The following SLC5A8 variants were observed in gnomAD, a reference collection of about 807,000 sequenced individuals.
SLC5A8 encodes the protein solute carrier family 5 member 8.
A neutral mutation model predicts 71.9 loss-of-function variants in SLC5A8; 55 were observed. That is an observed-to-expected ratio of 0.77 (90% CI 0.62 to 0.96). SLC5A8 has a LOEUF of 0.96. SLC5A8 is among the 40% of genes least tolerant of loss of function. The probability of loss-of-function intolerance (pLI) is 0.00; values close to 1 mark genes in which losing one functional copy is unlikely to be tolerated. For synonymous variants in SLC5A8, 307 were observed against 276.1 expected (o/e 1.11, Z -1.11); for missense variants, 701 against 745.3 (o/e 0.94, Z 0.69).
rs146456194 is a variant in SLC5A8, at chr12:101,193,992, C to T, written c.538-213G>A. ...TAAGCAGAGGCAAAGATGGAGGTTC[C>T]GCCCAGCAGAGAAAACAGCATGGGC... On this transcript the variant is annotated intron_variant, in intron 4 of 14. Transcript: ENST00000536262. Among the ~76,000 whole-genome samples, 6 of 152,190 alleles carry T rather than the reference C, an allele frequency of 3.9e-5. No homozygotes were observed. The East Asian group carries it at 5.8e-4, about 15-fold the overall frequency.
chr12:101,186,080 ATTTTTTTT>A (rs35334880), intron 7 of SLC5A8, among the ~76,000 whole-genome samples: 1 of 134,824 alleles, frequency 7.4e-6, no homozygotes, highest in Non-Finnish European at 1.6e-5. Context: ...AGCCGTAGGG[ATTTTTTTT>A]TTTTTTTTTT....
At chr12:101,190,274 A>G (rs1413312089) in intron 6 of SLC5A8, among the ~76,000 whole-genome samples, 194 bp downstream of exon 6, 1 of 152,204 alleles carries the variant, frequency 6.6e-6, no homozygotes. Context: ...AATTCCTATA[A>G]ATATTTTCAA....
intron 13 of SLC5A8, among the ~76,000 whole-genome samples, chr12:101,158,846 A>G (rs576687581): frequency 6.6e-6 from 1 of 150,672 alleles, no homozygotes; most frequent in Non-Finnish European, 1.5e-5. Flanking sequence ...ATACATGTCT[A>G]TGAAGAAATG....
intron 10 of SLC5A8, among the ~76,000 whole-genome samples, chr12:101,173,058 T>C (rs2673678): frequency 0.27 from 41,519 of 152,022 alleles, 6,150 homozygotes; most frequent in East Asian, 0.55. Context: ...GGGTGCTATT[T>C]GCCAGGCCTG....
At chr12:101,189,672 T>C (rs1593377136) in intron 6 of SLC5A8, among the ~76,000 whole-genome samples, 1 of 152,186 alleles carries the variant, frequency 6.6e-6, no homozygotes, top group East Asian at 1.9e-4. Flanking sequence ...TGGACCATGC[T>C]GTCCTTCCTA....
rs148541736 is a variant in SLC5A8 at position 101,187,067 on chromosome 12, T to C, written c.963+319A>G. On this transcript the variant is annotated intron_variant, in intron 7 of 14. Transcript: ENST00000536262. ...ATGTTCTATAGTACAATGGTTTGTG[T>C]AGTTTAAAAAACAAACAAACAAACA... 1.5e-3 allele frequency among the ~76,000 whole-genome samples: 225 copies of C among 152,244 alleles called. 1 individual carries two copies. The highest frequency in any genetic ancestry group is 3.5e-3 in the Admixed American group (54 of 15,280).
chr12:101,175,187 C>T (rs907657720), intron 10 of SLC5A8, among the ~76,000 whole-genome samples: 2 of 151,800 alleles, frequency 1.3e-5, no homozygotes, highest in African/African-American at 4.8e-5. Context: ...AATGAATGGG[C>T]ACAATAGCAG....
intron 9 of SLC5A8, among the ~76,000 whole-genome samples, chr12:101,180,601 C>T (rs1183020595): frequency 1.3e-5 from 2 of 152,066 alleles, no homozygotes; most frequent in Non-Finnish European, 2.9e-5. Flanking sequence ...ACTTTTAGCC[C>T]CCTCATAATC....
chr12:101,203,876 T>A (rs1486287980), intron 2 of SLC5A8, among the ~76,000 whole-genome samples: 1 of 152,358 alleles, frequency 6.6e-6, no homozygotes, highest in Middle Eastern at 3.4e-3. Context: ...TCCCTTTGTG[T>A]CAATCAGTAG....
At chr12:101,203,016 T>C (rs1024828468) in intron 2 of SLC5A8, among the ~76,000 whole-genome samples, 2 of 152,176 alleles carry the variant, frequency 1.3e-5, no homozygotes, top group Non-Finnish European at 2.9e-5. Flanking sequence ...CTCCCCTCTT[T>C]TTGCAAAAAT....
Position 101,202,151 on chromosome 12 carries a change from C to T in SLC5A8, c.469+13G>A. On this transcript the variant is annotated intron_variant, in intron 3 of 14. Coordinates refer to ENST00000536262, the MANE Select transcript of SLC5A8 (RefSeq NM_145913.5). Reference sequence around the variant, plus strand: ...AAAATGTGAGTTACCTAACTGGCAACTCTAAAATGTACCTTGATTCAAAGC... The same window carrying T: ...AAAATGTGAGTTACCTAACTGGCAATTCTAAAATGTACCTTGATTCAAAGC... The T allele has an allele frequency of 6.2e-7, 1 of 1,611,612 alleles. No individual in the cohort carries two copies. Among genetic ancestry groups the T allele is most frequent in the Non-Finnish European group, 8.5e-7 (1 of 1,178,784 alleles).
chr12:101,195,251 A>T (rs1358032699), intron 3 of SLC5A8, 89 bp from the exon 4 acceptor site: 3 of 1,398,204 alleles, frequency 2.1e-6, no homozygotes, highest in African/African-American at 2.8e-5. Context: ...AAGCTATATC[A>T]TTTATCAGGC....
At chr12:101,187,938 C>T (rs1468697685) in intron 6 of SLC5A8, among the ~76,000 whole-genome samples, 1 of 152,212 alleles carries the variant, frequency 6.6e-6, no homozygotes, top group African/African-American at 2.4e-5. Context: ...TACACAGTAA[C>T]TCATGAAACT....
At chr12:101,169,900 C>G (rs745866863) in intron 10 of SLC5A8, among the ~76,000 whole-genome samples, 1 of 152,086 alleles carries the variant, frequency 6.6e-6, no homozygotes, top group Admixed American at 6.5e-5. Flanking sequence ...AACTGTAATA[C>G]AGTTTGATAA....
rs200551397 is a variant in SLC5A8, at chr12:101,190,430, G to A, written c.833+38C>T. 1,430 of 1,588,928 alleles carry A rather than the reference G, an allele frequency of 9.0e-4. 3 individuals are homozygous for A. Among genetic ancestry groups the A allele is most frequent in the Non-Finnish European group, 1.2e-3 (1,369 of 1,170,422 alleles). ...AAGAGTTTCCATAAAGACAACTGAT[G>A]GTTATTAATGATTCATATACCATGG... On this transcript the variant is annotated intron_variant, in intron 6 of 14. Coordinates refer to ENST00000536262, the MANE Select transcript of SLC5A8 (RefSeq NM_145913.5).
In SLC5A8 at chr12:101,157,168, A is replaced by C; in HGVS notation, c.*111T>G. ...TTGTTTTAACAAAAACTTATCCCCC[A>C]AACACTCATGATACAACACACACAC... On this transcript the variant is annotated 3_prime_UTR_variant, in exon 15 of 15. Coordinates refer to ENST00000536262, the MANE Select transcript of SLC5A8 (RefSeq NM_145913.5). 7.6e-7 allele frequency: 1 copy of C among 1,320,156 alleles called. No homozygotes were observed. The highest frequency in any genetic ancestry group is 1.0e-6 in the Non-Finnish European group (1 of 985,468). 81.8% of individuals were successfully genotyped at this position (1,320,156 alleles called of 1,614,324 possible).
chr12:101,179,965 T>C, intron 10 of SLC5A8, 64 bp downstream of exon 10: 2 of 1,547,268 alleles, frequency 1.3e-6, no homozygotes, highest in Non-Finnish European at 1.8e-6. Flanking sequence ...GGAAGGATGG[T>C]CACATCAACA....
At chr12:101,186,804 T>G (rs1287390757) in intron 7 of SLC5A8, among the ~76,000 whole-genome samples, 1 of 152,216 alleles carries the variant, frequency 6.6e-6, no homozygotes, top group Non-Finnish European at 1.5e-5. Context: ...TTATTCTTAC[T>G]TATTAGCAAT....
chr12:101,178,836 C>G (rs2051905553), intron 10 of SLC5A8, among the ~76,000 whole-genome samples: 1 of 144,870 alleles, frequency 6.9e-6, no homozygotes, highest in African/African-American at 2.6e-5. Flanking sequence ...AAAAAAAATG[C>G]ACTTTGACAG....
Sources: allele counts gnomAD v4.1 joint callset (sites outside exome capture counted in the v4.1 genomes callset), GRCh38; gene constraint gnomAD v4.1.1; transcripts MANE v1.5; gene names NCBI Gene and HGNC (gene_info 2026-07-23, HGNC 2026-07-21).